Variants in HNRNPAB observed in about 807,000 individuals in gnomAD.
The protein encoded by HNRNPAB is ABBP-1.
HNRNPAB carries 17 observed loss-of-function variants against 44.1 expected under a neutral mutation model. The ratio of observed to expected loss-of-function variants is 0.39; its 90% CI spans 0.26 to 0.58. The LOEUF (loss-of-function observed/expected upper bound fraction) is 0.58. HNRNPAB is among the 20% of genes least tolerant of loss of function. The pLI is 0.63. For missense variants in HNRNPAB, 393 were observed against 432.7 expected (o/e 0.91, Z 0.81); for synonymous variants, 183 against 167.6 (o/e 1.09, Z -0.71).
chr5:178,207,542 G>A (rs940242127), intron 5 of HNRNPAB, among the ~76,000 whole-genome samples: 3 of 152,058 alleles, frequency 2.0e-5, no homozygotes, highest in African/African-American at 7.2e-5. Flanking sequence ...TTGAGTCCAG[G>A]GGTATGAAGC....
Position 178,204,955 on chromosome 5 carries a change from G to C in HNRNPAB, c.118G>C (p.Ala40Pro), listed in dbSNP as rs1438283104. The C allele has an allele frequency of 4.1e-6, 5 of 1,210,144 alleles. No homozygotes were observed. The allele number at this position is 1,210,144 out of a possible 1,614,324, so 75.0% of individuals were successfully genotyped here. Residue 40 changes from alanine to proline, a missense_variant, in exon 2 of 8, where the codon GCT (alanine) becomes CCT (proline). By Grantham distance (27) the Ala-to-Pro change is conservative. Transcript: ENST00000358344. The part of the protein sequence containing the change: ...AGAGTGAAAG[A>P]GGATAAPPSG... ...GGCTGGCACGGGCGCCGCGGCGGGG[G>C]CTGGAGGCGCGACCGCGGCGCCCCC...
chr5:178,210,296 C>T (rs1157847345), intron 7 of HNRNPAB, 24 bp downstream of exon 7: 53 of 1,613,852 alleles, frequency 3.3e-5, no homozygotes, highest in East Asian at 6.7e-5. Context: ...AGGGAGGCCC[C>T]ATCCGCTCAC....
intron 4 of HNRNPAB, 84 bp from the exon 5 acceptor site, chr5:178,207,010 C>A (rs1465490592): frequency 6.3e-7 from 1 of 1,588,658 alleles, no homozygotes; most frequent in African/African-American, 1.4e-5. Context: ...CCTCTGTCTT[C>A]AATGGGGTCT....
chr5:178,209,252 T>C (rs1043851495), intron 5 of HNRNPAB, 78 bp from the exon 6 acceptor site: 34 of 1,086,870 alleles, frequency 3.1e-5, no homozygotes, highest in Middle Eastern at 4.0e-4. Context: ...ATTTGATGTT[T>C]GTCGCAGTGA....
At chr5:178,209,534 T>C in intron 6 of HNRNPAB, 87 bp downstream of exon 6, 1 of 1,157,572 alleles carries the variant, frequency 8.6e-7, no homozygotes, top group South Asian at 1.3e-5. Context: ...TCTGGTGCTG[T>C]GCAGCAGGGG....
At chr5:178,206,097 GTGGTC>G (rs1168785958) in intron 3 of HNRNPAB, 87 bp downstream of exon 3, 1 of 1,337,290 alleles carries the variant, frequency 7.5e-7, no homozygotes, top group African/African-American at 1.5e-5. Context: ...ACTAGTTTGT[GTGGTC>G]TGCATGTGAT....
Position 178,206,018 on chromosome 5 carries a change from G to C in HNRNPAB, c.378+8G>C. The C allele has an allele frequency of 6.2e-7, 1 of 1,610,360 alleles. No homozygotes were observed. The highest frequency in any genetic ancestry group is 8.5e-7 in the Non-Finnish European group (1 of 1,178,140). On this transcript the variant is annotated splice_region_variant and intron_variant, in intron 3 of 7. Transcript: ENST00000358344. The stretch of plus-strand genomic sequence containing the variant: ...GCAGCCAGTGTGGAGAAGGTAAGCT[G>C]GGTACTGGATTTCAGCAGTCTCAGT...
In HNRNPAB at chr5:178,204,713, C is replaced by G. The variant is rs890610906; in HGVS notation, c.-51C>G. ...GCCTTCCCCTGCGGGTGGGGACGAG[C>G]GGGCCCCGCGGCGTCATCGGCGGCG... is the stretch of plus-strand genomic sequence containing the variant. On this transcript the variant is annotated 5_prime_UTR_variant, in exon 1 of 8. Transcript: ENST00000358344. 39 of 473,406 alleles carry G rather than the reference C, an allele frequency of 8.2e-5. No individual in the cohort carries two copies. The highest frequency in any genetic ancestry group is 7.9e-4 in the African/African-American group (38 of 48,272). The allele number at this position is 473,406 out of a possible 1,614,324, so 29.3% of individuals were successfully genotyped here.
intron 3 of HNRNPAB, 142 bp downstream of exon 3, chr5:178,206,152 T>C: frequency 1.3e-6 from 1 of 761,838 alleles, no homozygotes; most frequent in Non-Finnish European, 2.2e-6. Context: ...GAGGTTATGT[T>C]CCGGTTTTTG....
rs1581193401 is a variant in HNRNPAB, at chr5:178,210,867, C to T, written c.*244C>T. 7.2e-6 allele frequency: 4 copies of T among 552,890 alleles called. No individual in the cohort carries two copies. Among genetic ancestry groups the T allele is most frequent in the South Asian group, 4.3e-5 (2 of 46,624 alleles). The allele number at this position is 552,890 out of a possible 1,614,324, so 34.2% of individuals were successfully genotyped here. A position where few individuals can be genotyped will look rare whatever the true frequency, so the allele number is the denominator to read the frequency against. On this transcript the variant is annotated 3_prime_UTR_variant, in exon 8 of 8. Coordinates refer to ENST00000358344, the MANE Select transcript of HNRNPAB (RefSeq NM_031266.3). ...TGGGCTGATTTTTATTACCAGGTCC[C>T]CCAGAAGCAGGTGGGAGGCTCTGCT... is the stretch of plus-strand genomic sequence containing the variant.
rs372236814 is a variant in HNRNPAB at position 178,205,576 on chromosome 5, A to G, written c.210-266A>G. ...TTGTAGAACACATGAATTTCCAGTT[A>G]TGAGTGGTTAGGTCCCATACCCCTG... is the stretch of plus-strand genomic sequence containing the variant. On this transcript the variant is annotated intron_variant, in intron 2 of 7. Coordinates refer to ENST00000358344, the MANE Select transcript of HNRNPAB (RefSeq NM_031266.3). The G allele has an allele frequency of 3.1e-3, 1,150 of 371,616 alleles. 2 individuals are homozygous for G. Among genetic ancestry groups the G allele is most frequent in the Non-Finnish European group, 4.6e-3 (927 of 201,948 alleles). The allele number at this position is 371,616 out of a possible 1,614,324, so 23.0% of individuals were successfully genotyped here.
chr5:178,210,082 C>T, intron 6 of HNRNPAB, 50 bp from the exon 7 acceptor site: 3 of 1,603,148 alleles, frequency 1.9e-6, no homozygotes, highest in Non-Finnish European at 1.7e-6. Context: ...ATCCTAGCTC[C>T]TGCGTATGCT....
chr5:178,204,990 T>C lies in HNRNPAB; in HGVS notation c.153T>C (p.Asn51=), dbSNP rs1756983543. The C allele has an allele frequency of 8.3e-7, 1 of 1,207,990 alleles. No homozygotes were observed. The highest frequency in any genetic ancestry group is 1.0e-6 in the Non-Finnish European group (1 of 973,228). 74.8% of individuals were successfully genotyped at this position (1,207,990 alleles called of 1,614,324 possible). ...CGACCGCGGCGCCCCCGAGCGGGAATCAGAACGGCGCCGAGGGCGACCAGA... is the reference window on the plus strand; with the variant it reads ...CGACCGCGGCGCCCCCGAGCGGGAACCAGAACGGCGCCGAGGGCGACCAGA... ...GGATAAPPSG[N]QNGAEGDQIN... is the part of the protein sequence containing the mutation. The change falls in exon 2 of 8, where the codon AAT becomes AAC. Residue 51 remains asparagine, a synonymous_variant. Coordinates refer to ENST00000358344, the MANE Select transcript of HNRNPAB (RefSeq NM_031266.3).
At chr5:178,207,049 G>C in intron 4 of HNRNPAB, 45 bp from the exon 5 acceptor site, 1 of 1,610,902 alleles carries the variant, frequency 6.2e-7, no homozygotes, top group Non-Finnish European at 8.5e-7. Flanking sequence ...TATATGCTCT[G>C]GGGTAGGGAG....
chr5:178,206,618 T>G, intron 3 of HNRNPAB, 114 bp from the exon 4 acceptor site: 2 of 1,046,694 alleles, frequency 1.9e-6, no homozygotes, highest in Admixed American at 2.4e-5. Flanking sequence ...GGGGTAGAAT[T>G]TGGAGGGGGT....
In HNRNPAB at chr5:178,210,126, C is replaced by T. The variant is rs375712767; in HGVS notation, c.788-6C>T. ...CACGGGCCCCTGTGCCCTGCTCCCC[C>T]CACAGGTCAGAGTCAGAGTTGGAAT... is the stretch of plus-strand genomic sequence containing the variant. On this transcript the variant is annotated splice_polypyrimidine_tract_variant and splice_region_variant and intron_variant, in intron 6 of 7. Coordinates refer to ENST00000358344, the MANE Select transcript of HNRNPAB (RefSeq NM_031266.3). 173 of 1,613,974 alleles carry T rather than the reference C, an allele frequency of 1.1e-4. 1 individual carries two copies. Among genetic ancestry groups the T allele is most frequent in the Non-Finnish European group, 1.4e-4 (163 of 1,179,986 alleles).
At chr5:178,210,481 G>A (rs1392453392) in intron 7 of HNRNPAB, 72 bp from the exon 8 acceptor site, 9 of 1,515,706 alleles carry the variant, frequency 5.9e-6, no homozygotes, top group Non-Finnish European at 8.2e-6. Flanking sequence ...GTCCTGGGAA[G>A]ATGCATATCA....
In HNRNPAB at chr5:178,210,606, A is replaced by G; in HGVS notation, c.982A>G (p.Asn328Asp). The part of the protein sequence containing the change: ...KSQRRGGHQN[N>D]YKPY ...CCAGCGACGTGGTGGCCATCAGAATAACTACAAGCCATACTGAGGCGGCAG... is the reference window on the plus strand; with the variant it reads ...CCAGCGACGTGGTGGCCATCAGAATGACTACAAGCCATACTGAGGCGGCAG... Residue 328 changes from asparagine (N) to aspartate (D), a missense_variant, in exon 8 of 8, where the codon AAC becomes GAC. Transcript: ENST00000358344. 6.2e-7 allele frequency: 1 copy of G among 1,614,064 alleles called. No individual in the cohort carries two copies. Among genetic ancestry groups the G allele is most frequent in the Non-Finnish European group, 8.5e-7 (1 of 1,179,914 alleles).
At chr5:178,208,857 T>C (rs976541472) in intron 5 of HNRNPAB, 5 of 153,964 alleles carry the variant, frequency 3.2e-5, no homozygotes, top group African/African-American at 1.2e-4. Flanking sequence ...ACTTTATCTG[T>C]AAGAGGGAGG....
Sources: allele counts gnomAD v4.1 joint callset (sites outside exome capture counted in the v4.1 genomes callset), GRCh38; gene constraint gnomAD v4.1.1; transcripts MANE v1.5; gene names NCBI Gene and HGNC (gene_info 2026-07-23, HGNC 2026-07-21).